Variants in PARPBP observed in about 807,000 individuals in gnomAD.
PARPBP encodes PCNA-interacting partner.
PARPBP carries 52 observed loss-of-function variants against 50.0 expected under a neutral mutation model. That is an observed-to-expected ratio of 1.04 (90% CI 0.83 to 1.31). PARPBP has a LOEUF of 1.31. Among genes scored for constraint, PARPBP ranks in the 50% most tolerant of loss-of-function variants. The pLI, the probability that PARPBP is intolerant of heterozygous loss-of-function variation, is 0.00. For missense variants in PARPBP, 697 were observed against 672.0 expected (o/e 1.04, Z -0.41); for synonymous variants, 244 against 232.1 (o/e 1.05, Z -0.47).
At chr12:102,154,002 AAGC>A in intron 4 of PARPBP, 26 bp downstream of exon 4, 2 of 1,267,836 alleles carry the variant, frequency 1.6e-6, no homozygotes, top group Non-Finnish European at 2.3e-6. Context: ...GAGTAAATTA[AAGC>A]AGACTATAAT....
intron 2 of PARPBP, among the ~76,000 whole-genome samples, chr12:102,127,369 G>A (rs1243552669): frequency 1.3e-5 from 2 of 151,188 alleles, no homozygotes; most frequent in African/African-American, 4.9e-5. Flanking sequence ...ACTCTAGCCT[G>A]GGCAACAAAA....
chr12:102,161,309 T>G lies in PARPBP; in HGVS notation c.496-3129T>G, dbSNP rs894931739. On this transcript the variant is annotated intron_variant, in intron 4 of 10. Coordinates refer to ENST00000327680, the MANE Select transcript of PARPBP (RefSeq NM_017915.5). ...TTTTAGTAGAGACAGGGTTTCGCTG[T>G]GTTGGCCAGGCTGGTCTTGAACTCT... is the stretch of plus-strand genomic sequence containing the variant. Among the ~76,000 whole-genome samples the G allele has an allele frequency of 2.6e-5, 4 of 152,228 alleles. No individual in the cohort carries two copies. In the South Asian group the frequency reaches 8.3e-4, roughly 32 times the overall value.
At chr12:102,171,418 A>G (rs1255547795) in intron 6 of PARPBP, among the ~76,000 whole-genome samples, 1 of 152,120 alleles carries the variant, frequency 6.6e-6, no homozygotes, top group African/African-American at 2.4e-5. Context: ...TTATAATATT[A>G]TGGGACTACC....
chr12:102,191,179 G>A (rs1322958260), intron 9 of PARPBP, among the ~76,000 whole-genome samples: 1 of 152,094 alleles, frequency 6.6e-6, no homozygotes, highest in African/African-American at 2.4e-5. Flanking sequence ...GTAAGTAACA[G>A]CAAGGGTTTA....
Position 102,148,250 on chromosome 12 carries a change from C to G in PARPBP, c.174C>G (p.Val58=), listed in dbSNP as rs748724190. The G allele has an allele frequency of 4.5e-6, 7 of 1,552,864 alleles. No individual in the cohort carries two copies. The highest frequency in any genetic ancestry group is 1.1e-5 in the South Asian group (1 of 87,112). ...TTCAGCACAGTGGAGAATTTACAGT[C>G]TCTCTCAGTGATGTTTTATTGACAT... ...NNKQHSGEFT[V]SLSDVLLTWK... The change falls in exon 3 of 11, where the codon GTC becomes GTG. Residue 58 remains valine (V), a synonymous_variant. Coordinates refer to ENST00000327680, the MANE Select transcript of PARPBP (RefSeq NM_017915.5).
At chr12:102,153,823 A>G (rs1317978211) in intron 3 of PARPBP, 46 bp from the exon 4 acceptor site, 19 of 996,484 alleles carry the variant, frequency 1.9e-5, no homozygotes, top group Non-Finnish European at 2.6e-5. Flanking sequence ...AGTATTTTTT[A>G]TAGTCAGCAT....
chr12:102,195,964 A>G lies in PARPBP; in HGVS notation c.1413A>G (p.Pro471=), dbSNP rs199677730. The change falls in exon 11 of 11, where the codon CCA becomes CCG. Residue 471 remains proline, a synonymous_variant. Coordinates refer to ENST00000327680, the MANE Select transcript of PARPBP (RefSeq NM_017915.5). ...MENDLSEGVN[P]SVGRSTIGTS... ...CTTGCATAACAGAGGGTGTAAATCCATCTGTTGGAAGATCAACAATTGGAA... is the reference window on the plus strand; with the variant it reads ...CTTGCATAACAGAGGGTGTAAATCCGTCTGTTGGAAGATCAACAATTGGAA... The G allele has an allele frequency of 1.5e-4, 237 of 1,593,964 alleles. No homozygotes were observed. The highest frequency in any genetic ancestry group is 3.0e-5 in the Non-Finnish European group (35 of 1,169,512).
chr12:102,134,969 T>C (rs556123296), intron 2 of PARPBP, among the ~76,000 whole-genome samples: 2 of 152,108 alleles, frequency 1.3e-5, no homozygotes, highest in Non-Finnish European at 2.9e-5. Context: ...TGAACCACTA[T>C]GTCTGACCTC....
chr12:102,182,512 TA>T (rs1318072823), intron 8 of PARPBP, 36 bp from the exon 9 acceptor site: 11 of 1,386,582 alleles, frequency 7.9e-6, no homozygotes, highest in Non-Finnish European at 1.0e-5. Context: ...ATTCCAACCA[TA>T]GCAATAAATT....
intron 2 of PARPBP, among the ~76,000 whole-genome samples, chr12:102,143,777 A>ATT (rs530878679): frequency 3.4e-5 from 5 of 148,168 alleles, no homozygotes; most frequent in African/African-American, 1.2e-4. Flanking sequence ...AATAGAGGCT[A>ATT]TTTTTTTTTT....
chr12:102,190,917 T>A (rs1479781536), intron 9 of PARPBP, among the ~76,000 whole-genome samples: 1 of 152,116 alleles, frequency 6.6e-6, no homozygotes, highest in Non-Finnish European at 1.5e-5. Flanking sequence ...TAGCCATAAG[T>A]AGGAGTCTCC....
chr12:102,124,686 G>A (rs1191786115), intron 2 of PARPBP, among the ~76,000 whole-genome samples: 1 of 152,190 alleles, frequency 6.6e-6, no homozygotes, highest in Non-Finnish European at 1.5e-5. Context: ...TCAAAGTCAT[G>A]GTATGAACTT....
chr12:102,126,751 G>A lies in PARPBP; in HGVS notation c.153+2710G>A, dbSNP rs368136030. 5.9e-5 allele frequency among the ~76,000 whole-genome samples: 9 copies of A among 152,258 alleles called. No individual in the cohort carries two copies. The East Asian group carries it at 9.6e-4, about 16-fold the overall frequency. The stretch of plus-strand genomic sequence containing the variant: ...GCAGTGAGGCACTGCACTCCAGTCT[G>A]GCCGACAGAGCGAGACTCTACCTCA... On this transcript the variant is annotated intron_variant, in intron 2 of 10. Coordinates refer to ENST00000327680, the MANE Select transcript of PARPBP (RefSeq NM_017915.5).
In PARPBP at chr12:102,197,034, C is replaced by G. The variant is rs762546638; in HGVS notation, c.*743C>G. 6.2e-7 allele frequency: 1 copy of G among 1,612,122 alleles called. No homozygotes were observed. Among genetic ancestry groups the G allele is most frequent in the Non-Finnish European group, 8.5e-7 (1 of 1,178,704 alleles). ...AGTTTTCTTCATCCCCAATTTCTCT[C>G]TTTTCTTGTGTTGATTCAGTATTCT... On this transcript the variant is annotated 3_prime_UTR_variant, in exon 11 of 11. Coordinates refer to ENST00000327680, the MANE Select transcript of PARPBP (RefSeq NM_017915.5).
In PARPBP at chr12:102,123,903, T is replaced by C. The variant is rs1881541187; in HGVS notation, c.15T>C (p.Asn5=). The C allele has an allele frequency of 1.3e-6, 2 of 1,535,154 alleles. No homozygotes were observed. Among genetic ancestry groups the C allele is most frequent in the East Asian group, 4.9e-5 (2 of 40,890 alleles). The change falls in exon 2 of 11, where the codon AAT becomes AAC. Residue 5 remains asparagine (N), a synonymous_variant. Transcript: ENST00000327680. MAVF[N]QKSVSDMIKE... is the part of the protein sequence containing the mutation. ...ACTTTAAGATAATGGCTGTGTTTAA[T>C]CAGAAGTCTGTCTCGGATATGATTA...
chr12:102,186,301 T>C (rs1722787887), intron 9 of PARPBP, among the ~76,000 whole-genome samples: 1 of 152,098 alleles, frequency 6.6e-6, no homozygotes, highest in African/African-American at 2.4e-5. Context: ...GTTTTCTTGG[T>C]TTCAATTATG....
chr12:102,171,633 G>A lies in PARPBP; in HGVS notation c.822-3850G>A, dbSNP rs541512454. On this transcript the variant is annotated intron_variant, in intron 6 of 10. Transcript: ENST00000327680. ...TGTAATCTCAACACTTTGGGAGGCCGAGGCGGGCGGATCACGAGGTCAGGA... is the reference window on the plus strand; with the variant it reads ...TGTAATCTCAACACTTTGGGAGGCCAAGGCGGGCGGATCACGAGGTCAGGA... Among the ~76,000 whole-genome samples the A allele has an allele frequency of 5.3e-5, 8 of 152,168 alleles. No homozygotes were observed. In the South Asian group the frequency reaches 1.5e-3, roughly 28 times the overall value.
intron 1 of PARPBP, 53 bp downstream of exon 1, chr12:102,120,339 A>G: frequency 2.7e-6 from 1 of 377,068 alleles, no homozygotes; most frequent in South Asian, 1.9e-5. Context: ...GTGGTGATTC[A>G]GGCTGTGGCT....
At chr12:102,151,713 G>A (rs1187429581) in intron 3 of PARPBP, 2 of 1,535,674 alleles carry the variant, frequency 1.3e-6, no homozygotes, top group Non-Finnish European at 1.7e-6. Flanking sequence ...CATGGAGCTG[G>A]TCCCTAAACT....
Sources: gnomAD v4.1 joint callset for allele counts (sites outside exome capture counted in the v4.1 genomes callset) on GRCh38, gnomAD v4.1.1 for gene constraint, MANE v1.5 for transcripts, NCBI Gene and HGNC (gene_info 2026-07-23, HGNC 2026-07-21) for gene names.